Variants in DNAH3 observed in about 807,000 individuals in gnomAD.
DNAH3 encodes axonemal beta dynein heavy chain 3.
A neutral mutation model predicts 432.5 loss-of-function variants in DNAH3; 332 were observed. The ratio of observed to expected loss-of-function variants is 0.77; its 90% CI spans 0.70 to 0.84. DNAH3 has a LOEUF of 0.84. Ranked by LOEUF, DNAH3 falls within the 40% of genes least tolerant of loss-of-function variation. The pLI, the probability that DNAH3 is intolerant of heterozygous loss-of-function variation, is 0.00. For missense variants in DNAH3, 4,861 were observed against 5,114.0 expected (o/e 0.95, Z 1.51); for synonymous variants, 1,956 against 1,900.2 (o/e 1.03, Z -0.76).
chr16:21,099,424 C>T (rs2091780199), intron 16 of DNAH3, among the ~76,000 whole-genome samples: 2 of 152,186 alleles, frequency 1.3e-5, no homozygotes, highest in African/African-American at 4.8e-5. Flanking sequence ...AAGTGGAGGG[C>T]TACTGTAGCT....
At chr16:21,146,070 T>C in exon 2 of DNAH3, 1 of 1,613,156 alleles carries the variant, frequency 6.2e-7, no homozygotes, top group Non-Finnish European at 8.5e-7. Context: ...ATGTGATGTA[T>C]GGAGTCACTT....
In DNAH3 at chr16:21,098,774, A is replaced by C; in HGVS notation, c.2367-5T>G. 1 of 1,607,126 alleles carries C rather than the reference A, an allele frequency of 6.2e-7. No homozygotes were observed. The highest frequency in any genetic ancestry group is 8.5e-7 in the Non-Finnish European group (1 of 1,178,122). On this transcript the variant is annotated splice_region_variant and splice_polypyrimidine_tract_variant and intron_variant, in intron 16 of 61. Coordinates refer to ENST00000261383, the Ensembl canonical transcript of DNAH3. ...CTCAACTCAAATTCTGAGCATCTGA[A>C]AATAAAGACAGCCTGGTTACCTTTG... is the stretch of plus-strand genomic sequence containing the variant.
intron 31 of DNAH3, among the ~76,000 whole-genome samples, chr16:21,044,332 G>A (rs62034892): frequency 6.7e-6 from 1 of 149,562 alleles, no homozygotes. Flanking sequence ...ATTTGTTTGT[G>A]TCCTCTTTTA....
chr16:21,146,285 G>A (rs2152832805), intron 1 of DNAH3, among the ~76,000 whole-genome samples, 197 bp from the exon 3 acceptor site: 1 of 152,272 alleles, frequency 6.6e-6, no homozygotes, highest in East Asian at 1.9e-4. Flanking sequence ...GCTGGGTGCG[G>A]TAGCTCACCC....
At chr16:21,078,193 T>G (rs2091044013) in intron 20 of DNAH3, among the ~76,000 whole-genome samples, 2 of 147,712 alleles carry the variant, frequency 1.4e-5, no homozygotes, top group Non-Finnish European at 3.0e-5. Context: ...GAAAATCGCT[T>G]GAACCCGGGA....
At chr16:21,042,253 C>T (rs1449898361) in intron 31 of DNAH3, 50 bp from the exon 32 acceptor site, 1 of 1,527,988 alleles carries the variant, frequency 6.5e-7, no homozygotes, top group African/African-American at 1.4e-5. Context: ...TGTCTGACAA[C>T]CACCCTACTC....
At chr16:20,976,158 T>C (rs568266594) in intron 50 of DNAH3, among the ~76,000 whole-genome samples, 2 of 152,148 alleles carry the variant, frequency 1.3e-5, no homozygotes, top group East Asian at 1.9e-4. Flanking sequence ...CTGGGAAACA[T>C]AGTGAGAACA....
intron 44 of DNAH3, among the ~76,000 whole-genome samples, chr16:20,993,013 G>GC (rs2086622678): frequency 6.6e-6 from 1 of 151,838 alleles, no homozygotes; most frequent in Admixed American, 6.6e-5. Flanking sequence ...CTACAGGCTT[G>GC]CACCACCATG....
At position 21,036,651 on chromosome 16, in the gene DNAH3, T is replaced by TAG; in HGVS notation, c.5085+62_5085+63insCT. On this transcript the variant is annotated intron_variant, in intron 35 of 61. Coordinates refer to ENST00000261383, the Ensembl canonical transcript of DNAH3. Reference sequence around the variant, plus strand: ...TTCAGTTCCAATCTCCTATAAGACTTTACTGTTTGCTGACTTCAGCAAACA... The same window carrying TAG: ...TTCAGTTCCAATCTCCTATAAGACTTAGTACTGTTTGCTGACTTCAGCAAACA... 4 of 1,478,440 alleles carry TAG rather than the reference T, an allele frequency of 2.7e-6. No homozygotes were observed. The South Asian group carries it at 4.9e-5, about 18-fold the overall frequency. The allele number at this position is 1,478,440 out of a possible 1,614,324, so 91.6% of individuals were successfully genotyped here. A position where few individuals can be genotyped will look rare whatever the true frequency, so the allele number is the denominator to read the frequency against.
chr16:20,948,635 C>T, exon 57 of DNAH3: 4 of 1,614,082 alleles, frequency 2.5e-6, no homozygotes, highest in Non-Finnish European at 3.4e-6. Flanking sequence ...TAATTACATT[C>T]CCCTGGGGAC....
rs544818713 is a variant in DNAH3, at chr16:21,125,434, T to C, written c.1209-64A>G. ...TGGGCTCCGAGGAACCCACTTGCCGTGCCCCCTGAGCTCAGTGATGAGGCA... is the reference window on the plus strand; with the variant it reads ...TGGGCTCCGAGGAACCCACTTGCCGCGCCCCCTGAGCTCAGTGATGAGGCA... On this transcript the variant is annotated intron_variant, in intron 8 of 61. Coordinates refer to ENST00000261383, the Ensembl canonical transcript of DNAH3. 1.1e-5 allele frequency: 15 copies of C among 1,426,526 alleles called. 1 individual carries two copies. In the East Asian group the frequency reaches 3.6e-4, roughly 34 times the overall value. The allele number at this position is 1,426,526 out of a possible 1,614,324, so 88.4% of individuals were successfully genotyped here. A position where few individuals can be genotyped will look rare whatever the true frequency, so the allele number is the denominator to read the frequency against.
chr16:20,982,109 T>G (rs1267106438), intron 49 of DNAH3, among the ~76,000 whole-genome samples: 2 of 151,414 alleles, frequency 1.3e-5, no homozygotes, highest in Non-Finnish European at 2.9e-5. Flanking sequence ...TTTTGCCAGG[T>G]GCAGTAGCTC....
chr16:20,974,797 TGCTGGGAGA>T lies in DNAH3; in HGVS notation c.8259+427_8259+435del, dbSNP rs556011383. Among the ~76,000 whole-genome samples the T allele has an allele frequency of 1.1e-3, 171 of 151,518 alleles. 6 individuals are homozygous for T. In the South Asian group the frequency reaches 0.035, roughly 31 times the overall value. ...CCTTCATCACTTATCAGCTATGTGA[TGCTGGGAGA>T]GTCGCCTACCCCTTATTATTATTAT... On this transcript the variant is annotated intron_variant, in intron 51 of 61. Transcript: ENST00000261383.
chr16:20,959,283 G>C (rs1470384895), exon 54 of DNAH3: 1 of 1,614,170 alleles, frequency 6.2e-7, no homozygotes, highest in South Asian at 1.1e-5. Flanking sequence ...AGACCACCCA[G>C]GTCCCGTCTT....
At chr16:20,949,473 G>A (rs984489872) in intron 56 of DNAH3, among the ~76,000 whole-genome samples, 6 of 151,836 alleles carry the variant, frequency 4.0e-5, no homozygotes, top group African/African-American at 7.3e-5. Context: ...TTAATCTCTC[G>A]CTGTGCCTAA....
At chr16:20,977,945 C>T (rs555106885) in intron 50 of DNAH3, among the ~76,000 whole-genome samples, 3 of 152,294 alleles carry the variant, frequency 2.0e-5, no homozygotes, top group Non-Finnish European at 2.9e-5. Context: ...GCAACAGAGG[C>T]CATTTCCAAT....
In DNAH3 at chr16:21,070,702, C is replaced by A; in HGVS notation, c.3201+8G>T. On this transcript the variant is annotated splice_region_variant and intron_variant, in intron 22 of 61. Coordinates refer to ENST00000261383, the Ensembl canonical transcript of DNAH3. ...CACCTCAAAGCATTCAACTTCATTT[C>A]CTCTTACCCGGCATTCTGCTTCTAT... 1 of 1,585,080 alleles carries A rather than the reference C, an allele frequency of 6.3e-7. No individual in the cohort carries two copies. Among genetic ancestry groups the A allele is most frequent in the South Asian group, 1.1e-5 (1 of 90,472 alleles).
intron 13 of DNAH3, 31 bp from the exon 14 acceptor site, chr16:21,111,835 T>C (rs1418779295): frequency 6.2e-7 from 1 of 1,606,332 alleles, no homozygotes. Context: ...AGTAGCTTGA[T>C]TTGCCCTTGA....
At chr16:21,077,255 C>T (rs948109685) in intron 20 of DNAH3, among the ~76,000 whole-genome samples, 9 of 152,158 alleles carry the variant, frequency 5.9e-5, no homozygotes, top group East Asian at 1.9e-4. Context: ...CTCTGCCTCC[C>T]GGATTCAAGC....
Sources: gnomAD v4.1 joint callset for allele counts (sites outside exome capture counted in the v4.1 genomes callset) on GRCh38, gnomAD v4.1.1 for gene constraint, MANE v1.5 for transcripts, NCBI Gene and HGNC (gene_info 2026-07-23, HGNC 2026-07-21) for gene names.